Variants in DNAH17 observed in about 807,000 individuals in gnomAD.
DNAH17 encodes the protein dynein axonemal heavy chain 17, also known as axonemal beta dynein heavy chain 17.
In DNAH17, 376 loss-of-function variants were observed where a neutral mutation model predicts 485.6. That is an observed-to-expected ratio of 0.77 (90% CI 0.71 to 0.84). The LOEUF (loss-of-function observed/expected upper bound fraction) is 0.84. Among genes scored for constraint, DNAH17 ranks in the 40% least tolerant of loss-of-function variants. The probability of loss-of-function intolerance (pLI) is 0.00; values close to 1 mark genes in which losing one functional copy is unlikely to be tolerated. For missense variants in DNAH17, 6,370 were observed against 5,839.3 expected (o/e 1.09, Z -2.96); for synonymous variants, 3,031 against 2,405.9 (o/e 1.26, Z -7.60).
Position 78,569,457 on chromosome 17 carries a change from C to A in DNAH17, c.1115G>T (p.Gly372Val), listed in dbSNP as rs1272680429. 3 of 1,611,800 alleles carry A rather than the reference C, an allele frequency of 1.9e-6. No individual in the cohort carries two copies. The highest frequency in any genetic ancestry group is 2.5e-6 in the Non-Finnish European group (3 of 1,178,900). ...CAGCACATTTACAGCCAGGGAGATG[C>A]CACTCAGGACTTCCTCGATTTCACC... ...LQGEIEEVLSGISLAVNVLKE... is the reference protein window; with the variant it reads ...LQGEIEEVLSVISLAVNVLKE... The change falls in exon 8 of 81, where the codon GGC becomes GTC. Residue 372 changes from glycine (G) to valine (V), a missense_variant. Physicochemically the swap from Gly to Val is moderately radical, Grantham distance 109 (BLOSUM62 -3). Transcript: ENST00000389840.
chr17:78,425,886 T>G (rs1888861247), intron 79 of DNAH17, among the ~76,000 whole-genome samples: 1 of 151,452 alleles, frequency 6.6e-6, no homozygotes, highest in South Asian at 2.1e-4. Flanking sequence ...CTGCCTCAGC[T>G]TCCAGAGTAG....
intron 61 of DNAH17, 33 bp from the exon 62 acceptor site, chr17:78,458,713 C>A (rs375784383): frequency 6.4e-7 from 1 of 1,571,746 alleles, no homozygotes; most frequent in Non-Finnish European, 8.8e-7. Flanking sequence ...TGCTGGAAAA[C>A]CCCACGAGGC....
intron 24 of DNAH17, 47 bp downstream of exon 24, chr17:78,526,604 T>C (rs1338153859): frequency 1.4e-6 from 2 of 1,468,516 alleles, no homozygotes; most frequent in Non-Finnish European, 1.9e-6. Flanking sequence ...AAGAAAGCAG[T>C]GGGGTTCCCA....
chr17:78,484,006 G>C (rs183523589), intron 48 of DNAH17, among the ~76,000 whole-genome samples: 1 of 138,178 alleles, frequency 7.2e-6, no homozygotes, highest in South Asian at 2.4e-4. Context: ...TGAGGAAGGA[G>C]AATTCCTTGA....
Position 78,567,151 on chromosome 17 carries a change from C to A in DNAH17, c.1300G>T (p.Ala434Ser), listed in dbSNP as rs2092280941. Residue 434 changes from alanine (A) to serine (S), a missense_variant, in exon 10 of 81, where the codon GCA (alanine) becomes TCA (serine). Physicochemically the swap from Ala to Ser is moderately conservative, Grantham distance 99 (BLOSUM62 1). Transcript: ENST00000389840. The part of the protein sequence containing the change: ...IQTIEELYKT[A>S]IEFLKLEKIE... ...TTCTCCAGCTTCAGAAACTCAATTG[C>A]TGTTTTATAGAGTTCCTAGTGGAGG... The A allele has an allele frequency of 1.9e-6, 3 of 1,604,114 alleles. No individual in the cohort carries two copies. The highest frequency in any genetic ancestry group is 1.7e-6 in the Non-Finnish European group (2 of 1,175,212).
At chr17:78,543,267 A>G (rs2091651748) in intron 17 of DNAH17, among the ~76,000 whole-genome samples, 3 of 148,922 alleles carry the variant, frequency 2.0e-5, no homozygotes. Flanking sequence ...GGCATGTGCC[A>G]ACGTGCCCGG....
At chr17:78,484,557 G>A (rs1417913801) in intron 48 of DNAH17, among the ~76,000 whole-genome samples, 1 of 116,144 alleles carries the variant, frequency 8.6e-6, no homozygotes, top group East Asian at 2.5e-4. Flanking sequence ...CACCTCGGTG[G>A]AAGGGGGGAA....
chr17:78,493,040 AG>A, intron 41 of DNAH17: 2 of 273,082 alleles, frequency 7.3e-6, no homozygotes, highest in African/African-American at 2.3e-5. Flanking sequence ...TAGTAGAGAC[AG>A]GGTTTCACCA....
intron 30 of DNAH17, among the ~76,000 whole-genome samples, chr17:78,506,310 T>C (rs2090484330): frequency 6.6e-6 from 1 of 151,808 alleles, no homozygotes; most frequent in Non-Finnish European, 1.5e-5. Flanking sequence ...CCTGACCTCT[T>C]TTCTCTTTTA....
intron 51 of DNAH17, among the ~76,000 whole-genome samples, chr17:78,478,421 A>G (rs1280870053): frequency 6.6e-6 from 1 of 151,194 alleles, no homozygotes; most frequent in Non-Finnish European, 1.5e-5. Flanking sequence ...CACTATCACC[A>G]TCATCACCAC....
intron 35 of DNAH17, chr17:78,500,967 G>A (rs192072291): frequency 9.5e-5 from 43 of 450,298 alleles, no homozygotes; most frequent in African/African-American, 7.8e-4. Context: ...CCCCAACTCA[G>A]CAGGCCCACA....
In DNAH17 at chr17:78,495,864, G is replaced by A. The variant is rs771832395; in HGVS notation, c.5903+11C>T. The A allele has an allele frequency of 3.7e-6, 6 of 1,607,994 alleles. No homozygotes were observed. Among genetic ancestry groups the A allele is most frequent in the Middle Eastern group, 1.7e-4 (1 of 5,942 alleles). On this transcript the variant is annotated intron_variant, in intron 38 of 80. Transcript: ENST00000389840. ...TCACTGCAGCCACTCACTTTCACCT[G>A]GGCCACGTACCTGAATAAGGCTTTT...
intron 55 of DNAH17, among the ~76,000 whole-genome samples, chr17:78,467,450 G>GC (rs2088526454): frequency 6.6e-6 from 1 of 152,254 alleles, no homozygotes; most frequent in African/African-American, 2.4e-5. Flanking sequence ...GACAGAGCCG[G>GC]CACTGGCAGG....
intron 31 of DNAH17, among the ~76,000 whole-genome samples, chr17:78,504,620 G>A (rs570358421): frequency 6.6e-6 from 1 of 152,166 alleles, no homozygotes; most frequent in Non-Finnish European, 1.5e-5. Context: ...TCAGGCTGAT[G>A]TTAAAATGGT....
In DNAH17 at chr17:78,501,349, A is replaced by C. The variant is rs1317299129; in HGVS notation, c.5323-5T>G. On this transcript the variant is annotated splice_polypyrimidine_tract_variant and splice_region_variant and intron_variant, in intron 34 of 80. Transcript: ENST00000389840. ...GAAGGCCTGAGAACTCTCCACCTGC[A>C]GGATGAGCCGGAGCTCTTGTTGCCA... 6.3e-7 allele frequency: 1 copy of C among 1,584,888 alleles called. No homozygotes were observed. The highest frequency in any genetic ancestry group is 8.6e-7 in the Non-Finnish European group (1 of 1,157,824).
chr17:78,557,102 G>A (rs1213672589), intron 14 of DNAH17, among the ~76,000 whole-genome samples: 1 of 152,082 alleles, frequency 6.6e-6, no homozygotes, highest in Non-Finnish European at 1.5e-5. Flanking sequence ...TAGATCAGAT[G>A]GTGCCAGGAA....
intron 73 of DNAH17, among the ~76,000 whole-genome samples, chr17:78,438,448 A>AG: frequency 1.2e-5 from 1 of 84,370 alleles, no homozygotes; most frequent in Non-Finnish European, 2.4e-5. Flanking sequence ...AGGAGGAGGG[A>AG]GGAGGGAGGA....
Position 78,503,776 on chromosome 17 carries a change from G to A in DNAH17, c.4957-765C>T, listed in dbSNP as rs554216031. On this transcript the variant is annotated intron_variant, in intron 31 of 80. Transcript: ENST00000389840. Reference sequence around the variant, plus strand: ...AGGTCAGGAGTTCAAAACCAGCCTGGCCAACATGGTGAAAACCCGTCTCTA... The same window carrying A: ...AGGTCAGGAGTTCAAAACCAGCCTGACCAACATGGTGAAAACCCGTCTCTA... 2.6e-5 allele frequency among the ~76,000 whole-genome samples: 4 copies of A among 152,044 alleles called. No individual in the cohort carries two copies. The South Asian group carries it at 6.2e-4, about 24-fold the overall frequency.
chr17:78,506,048 C>T (rs916068527), intron 30 of DNAH17, among the ~76,000 whole-genome samples: 1 of 152,134 alleles, frequency 6.6e-6, no homozygotes, highest in Admixed American at 6.6e-5. Context: ...CCAAGCCACA[C>T]ACTCAGTCTA....
Sources: allele counts gnomAD v4.1 joint callset (sites outside exome capture counted in the v4.1 genomes callset), GRCh38; gene constraint gnomAD v4.1.1; transcripts MANE v1.5; gene names NCBI Gene and HGNC (gene_info 2026-07-23, HGNC 2026-07-21).